The following RBPJ variants were observed in gnomAD, a reference collection of about 807,000 sequenced individuals.
RBPJ encodes recombining binding protein suppressor of hairless.
Under a neutral mutation model 67.8 loss-of-function variants are expected in RBPJ, and 9 were observed. That is an observed-to-expected ratio of 0.13 (90% CI 0.08 to 0.23). The LOEUF is 0.23. RBPJ is among the 10% of genes least tolerant of loss of function. The pLI, the probability that RBPJ is intolerant of heterozygous loss-of-function variation, is 1.00. For missense variants in RBPJ, 305 were observed against 595.6 expected (o/e 0.51, Z 5.08); for synonymous variants, 198 against 203.3 (o/e 0.97, Z 0.22).
rs912929816 is a variant in RBPJ, at chr4:26,420,679, C to T, written c.450C>T (p.Val150=). Residue 150 remains valine, a synonymous_variant, in exon 5 of 11, where the codon GTC becomes GTT. Coordinates refer to ENST00000355476, the MANE Select transcript of RBPJ (RefSeq NM_015874.6). ...TGTTCCTCAGCAAGCGGATAAAAGTCATCTCCAAACCTTCCAAAAAGAAGC... is the reference window on the plus strand; with the variant it reads ...TGTTCCTCAGCAAGCGGATAAAAGTTATCTCCAAACCTTCCAAAAAGAAGC... ...IGVFLSKRIK[V]ISKPSKKKQS... The T allele has an allele frequency of 1.9e-6, 3 of 1,613,486 alleles. No individual in the cohort carries two copies. Among genetic ancestry groups the T allele is most frequent in the Non-Finnish European group, 2.5e-6 (3 of 1,179,760 alleles).
chr4:26,165,229 T>G (rs767568970), intron 1 of RBPJ, among the ~76,000 whole-genome samples: 12 of 152,216 alleles, frequency 7.9e-5, no homozygotes, highest in Non-Finnish European at 1.8e-4. Flanking sequence ...ATCTCAGCCT[T>G]ACTAAACAAT....
intron 1 of RBPJ, among the ~76,000 whole-genome samples, chr4:26,247,077 A>C (rs1456019924): frequency 6.6e-6 from 1 of 151,688 alleles, no homozygotes; most frequent in Non-Finnish European, 1.5e-5. Flanking sequence ...GGCTCAAGCA[A>C]TTAATATACT....
rs1370152520 is a variant in RBPJ at position 26,432,648 on chromosome 4, G to GTGTAAT, written c.*1642_*1647dup. Reference sequence around the variant, plus strand: ...GCTACATTTAGTACAGGAACCACGTGTGTAATGTTATACAACACAGTCTAG... The same window carrying GTGTAAT: ...GCTACATTTAGTACAGGAACCACGTGTGTAATTGTAATGTTATACAACACAGTCTAG... On this transcript the variant is annotated 3_prime_UTR_variant, in exon 11 of 11. Coordinates refer to ENST00000355476, the MANE Select transcript of RBPJ (RefSeq NM_015874.6). The GTGTAAT allele has an allele frequency of 6.6e-6, 1 of 152,146 alleles. No individual in the cohort carries two copies. The highest frequency in any genetic ancestry group is 1.9e-4 in the East Asian group (1 of 5,182). The allele number at this position is 152,146 out of a possible 1,614,324, so 9.4% of individuals were successfully genotyped here.
At chr4:26,215,391 G>A (rs1178896601) in intron 1 of RBPJ, among the ~76,000 whole-genome samples, 3 of 31,644 alleles carry the variant, frequency 9.5e-5, no homozygotes, top group East Asian at 3.8e-3. Flanking sequence ...GGGAGGGAGA[G>A]AGGAAGGAAG....
intron 1 of RBPJ, among the ~76,000 whole-genome samples, chr4:26,310,607 G>GA (rs1015743857): frequency 6.7e-6 from 1 of 149,174 alleles, no homozygotes; most frequent in Non-Finnish European, 1.5e-5. Flanking sequence ...GGGGATATGA[G>GA]AAAAAAATGA....
chr4:26,109,444 CTCTCTCTCTCTCTCTCTATATATATA>C, the RBPJ span, among the ~76,000 whole-genome samples: 47 of 28,420 alleles, frequency 1.7e-3, 2 homozygotes, highest in Non-Finnish European at 1.9e-3. Context: ...CTCTCTCTCT[CTCTCTCTCTCTCTCTCTATATATATA>C]TATATATATA....
At chr4:26,416,913 A>G (rs1482201909) in intron 4 of RBPJ, among the ~76,000 whole-genome samples, 1 of 152,326 alleles carries the variant, frequency 6.6e-6, no homozygotes, top group East Asian at 1.9e-4. Context: ...TTTGTTGACT[A>G]TGTATTTTAA....
chr4:26,187,538 G>A (rs1210650910), intron 1 of RBPJ, among the ~76,000 whole-genome samples: 1 of 152,060 alleles, frequency 6.6e-6, no homozygotes, highest in Non-Finnish European at 1.5e-5. Flanking sequence ...TTAACTCTGA[G>A]ATATAATTAT....
chr4:26,372,449 G>A (rs1484262033), intron 1 of RBPJ, among the ~76,000 whole-genome samples: 2 of 152,292 alleles, frequency 1.3e-5, no homozygotes, highest in African/African-American at 2.4e-5. Flanking sequence ...GACGTAGGGC[G>A]ATTGACTAGA....
At chr4:26,377,326 A>G (rs1035627197) in intron 1 of RBPJ, among the ~76,000 whole-genome samples, 8 of 152,212 alleles carry the variant, frequency 5.3e-5, no homozygotes, top group African/African-American at 1.9e-4. Flanking sequence ...AATTTAAGCA[A>G]CCTAGTTCCT....
chr4:26,222,315 G>A (rs1718936120), intron 1 of RBPJ, among the ~76,000 whole-genome samples: 1 of 152,038 alleles, frequency 6.6e-6, no homozygotes, highest in Admixed American at 6.6e-5. Context: ...CCAACATGGT[G>A]AAAATCCGTC....
At chr4:26,234,705 T>G (rs1719395743) in intron 1 of RBPJ, among the ~76,000 whole-genome samples, 1 of 152,020 alleles carries the variant, frequency 6.6e-6, no homozygotes, top group South Asian at 2.1e-4. Context: ...ATTTATTTAT[T>G]TATTTGAGAT....
In RBPJ at chr4:26,329,676, C is replaced by T. The variant is rs191248814; in HGVS notation, c.20+8628C>T. Among the ~76,000 whole-genome samples the T allele has an allele frequency of 2.3e-3, 348 of 152,058 alleles. 1 individual carries two copies. Among genetic ancestry groups the T allele is most frequent in the African/African-American group, 4.4e-3 (181 of 41,478 alleles). On this transcript the variant is annotated intron_variant, in intron 1 of 10. Coordinates refer to ENST00000355476, the MANE Select transcript of RBPJ (RefSeq NM_015874.6). ...TTGGGAGGCCGAGGCGGGCGGATCA[C>T]GAGGTCAGGAAATCGAGACCATCCT...
chr4:26,274,943 AC>A (rs1297934078), intron 1 of RBPJ, among the ~76,000 whole-genome samples: 1 of 152,220 alleles, frequency 6.6e-6, no homozygotes, highest in African/African-American at 2.4e-5. Flanking sequence ...TCTCAAAAAA[AC>A]AAAAAAAGAA....
At chr4:26,182,501 T>A (rs1263992689) in intron 1 of RBPJ, among the ~76,000 whole-genome samples, 1 of 151,462 alleles carries the variant, frequency 6.6e-6, no homozygotes, top group Non-Finnish European at 1.5e-5. Context: ...AACTTTTTTT[T>A]TTTTTTGCCT....
At position 26,380,916 on chromosome 4, in the gene RBPJ, G is replaced by GT. The variant is rs556973029; in HGVS notation, c.21-5436dup. Among the ~76,000 whole-genome samples, 216 of 151,396 alleles carry GT rather than the reference G, an allele frequency of 1.4e-3. 1 individual carries two copies. Among genetic ancestry groups the GT allele is most frequent in the African/African-American group, 5.0e-3 (205 of 41,290 alleles). ...TTCTAGTTTCACAACCCAAGGGCAA[G>GT]TAGGGTGTCCCTGTGAGCTTGTTTT... On this transcript the variant is annotated intron_variant, in intron 1 of 10. Transcript: ENST00000355476.
chr4:26,393,797 C>T (rs767388482), intron 2 of RBPJ, among the ~76,000 whole-genome samples: 10 of 151,074 alleles, frequency 6.6e-5, no homozygotes, highest in Non-Finnish European at 1.3e-4. Flanking sequence ...TTTTTCTCTC[C>T]ATTGGGGTGC....
upstream of RBPJ, among the ~76,000 whole-genome samples, chr4:26,160,248 G>A (rs1716052546): frequency 6.6e-6 from 1 of 152,176 alleles, no homozygotes; most frequent in Admixed American, 6.5e-5. Flanking sequence ...AGATAATGTA[G>A]AAGTTACACA....
chr4:26,361,655 T>C (rs1459696138), intron 1 of RBPJ, among the ~76,000 whole-genome samples: 3 of 152,154 alleles, frequency 2.0e-5, no homozygotes, highest in Non-Finnish European at 4.4e-5. Flanking sequence ...AGTAAATGAA[T>C]ATATTTATTG....
Sources: allele counts gnomAD v4.1 joint callset (sites outside exome capture counted in the v4.1 genomes callset), GRCh38; gene constraint gnomAD v4.1.1; transcripts MANE v1.5; gene names NCBI Gene and HGNC (gene_info 2026-07-23, HGNC 2026-07-21).